DLGAP1: variants seen among roughly 807,000 people sequenced by gnomAD.
DLGAP1 encodes the protein disks large-associated protein 1.
Under a neutral mutation model 90.8 loss-of-function variants are expected in DLGAP1, and 11 were observed. That is an observed-to-expected ratio of 0.12 (90% CI 0.08 to 0.20). The LOEUF (loss-of-function observed/expected upper bound fraction) is 0.20. Ranked by LOEUF, DLGAP1 falls within the 10% of genes least tolerant of loss-of-function variation. The pLI, the probability that DLGAP1 is intolerant of heterozygous loss-of-function variation, is 1.00. For synonymous variants in DLGAP1, 558 were observed against 540.7 expected (o/e 1.03, Z -0.44); for missense variants, 1,050 against 1,333.8 (o/e 0.79, Z 3.31).
chr18:3,646,168 G>A (rs1324422094), intron 7 of DLGAP1, among the ~76,000 whole-genome samples: 1 of 152,110 alleles, frequency 6.6e-6, no homozygotes, highest in Non-Finnish European at 1.5e-5. Context: ...GGCTAAGGCT[G>A]GAAGATAGCT....
At chr18:4,100,484 G>A (rs1469789019) in intron 2 of DLGAP1, among the ~76,000 whole-genome samples, 1 of 152,188 alleles carries the variant, frequency 6.6e-6, no homozygotes, top group Non-Finnish European at 1.5e-5. Flanking sequence ...AGCAGATTTA[G>A]CCTACCTCTT....
chr18:3,555,299 T>C (rs1318121976), intron 9 of DLGAP1, among the ~76,000 whole-genome samples: 1 of 152,348 alleles, frequency 6.6e-6, no homozygotes, highest in East Asian at 1.9e-4. Context: ...AAGAAGGGTA[T>C]GTTTTGGAAA....
At chr18:4,210,778 C>T (rs1418289053) in intron 1 of DLGAP1, among the ~76,000 whole-genome samples, 1 of 152,128 alleles carries the variant, frequency 6.6e-6, no homozygotes, top group African/African-American at 2.4e-5. Flanking sequence ...TGTATTATGT[C>T]TGGATGGAGA....
intron 1 of DLGAP1, among the ~76,000 whole-genome samples, chr18:4,327,112 T>A (rs1568515840): frequency 1.3e-5 from 2 of 151,920 alleles, no homozygotes; most frequent in Middle Eastern, 6.8e-3. Flanking sequence ...AAATTTTCGA[T>A]TAGACATAGA....
intron 1 of DLGAP1, among the ~76,000 whole-genome samples, chr18:4,219,679 A>T (rs766803828): frequency 8.6e-5 from 13 of 152,018 alleles, no homozygotes; most frequent in Non-Finnish European, 1.5e-4. Context: ...TAAGCATCTA[A>T]TTATAATCTT....
In DLGAP1 at chr18:4,283,126, G is replaced by A. The variant is rs113871944; in HGVS notation, c.-266-131839C>T. ...TCAAAAGAAGCTAATAAAACATAAG[G>A]CTGAAGAACTGAAGTAATGAATGCA... is the stretch of plus-strand genomic sequence containing the variant. On this transcript the variant is annotated intron_variant, in intron 1 of 12. Coordinates refer to ENST00000315677, the MANE Select transcript of DLGAP1 (RefSeq NM_004746.4). Among the ~76,000 whole-genome samples, 11 of 152,268 alleles carry A rather than the reference G, an allele frequency of 7.2e-5. 1 individual carries two copies. Among genetic ancestry groups the A allele is most frequent in the Admixed American group, 2.0e-4 (3 of 15,312 alleles).
intron 2 of DLGAP1, among the ~76,000 whole-genome samples, chr18:4,102,439 A>G (rs73943818): frequency 0.021 from 3,228 of 152,308 alleles, 95 homozygotes; most frequent in African/African-American, 0.06. Flanking sequence ...AATTGTTTGA[A>G]ATGCTGAGAC....
intron 2 of DLGAP1, among the ~76,000 whole-genome samples, chr18:4,055,198 T>C (rs903528727): frequency 1.1e-4 from 16 of 152,302 alleles, no homozygotes; most frequent in African/African-American, 3.6e-4. Flanking sequence ...AAGGGTTTCA[T>C]CTGGACATGC....
intron 1 of DLGAP1, chr18:4,430,625 C>T (rs1163775230): frequency 2.0e-5 from 3 of 150,640 alleles, no homozygotes; most frequent in African/African-American, 7.3e-5. Context: ...AACCTGTATA[C>T]ATTTATGTGA....
chr18:3,505,291 C>G (rs1053777589), intron 11 of DLGAP1, among the ~76,000 whole-genome samples: 1 of 152,126 alleles, frequency 6.6e-6, no homozygotes, highest in African/African-American at 2.4e-5. Context: ...GGGCTGTGAA[C>G]AAGTTTCTTA....
chr18:4,211,405 T>C (rs1221572777), intron 1 of DLGAP1, among the ~76,000 whole-genome samples: 1 of 152,180 alleles, frequency 6.6e-6, no homozygotes, highest in Non-Finnish European at 1.5e-5. Flanking sequence ...TTAGTAAATG[T>C]TAGAAAGGGT....
At chr18:3,758,610 A>G (rs1214912536) in intron 5 of DLGAP1, among the ~76,000 whole-genome samples, 1 of 152,218 alleles carries the variant, frequency 6.6e-6, no homozygotes, top group Non-Finnish European at 1.5e-5. Context: ...TATAAGCTTA[A>G]CATGGATTAT....
Position 4,013,908 on chromosome 18 carries a change from GATAA to G in DLGAP1, c.-158-8711_-158-8708del, listed in dbSNP as rs1261363870. The G allele has an allele frequency of 5.6e-4, 85 of 152,200 alleles. 1 individual carries two copies. The highest frequency in any genetic ancestry group is 2.0e-3 in the African/African-American group (83 of 41,520). 9.4% of individuals were successfully genotyped at this position (152,200 alleles called of 1,614,324 possible). On this transcript the variant is annotated intron_variant, in intron 2 of 12. Coordinates refer to ENST00000315677, the MANE Select transcript of DLGAP1 (RefSeq NM_004746.4). ...TATTTCTATAGTCCTAAGCTGGCAA[GATAA>G]ATAGAGAACAGTTCATAATATAAAC...
intron 10 of DLGAP1, 61 bp downstream of exon 10, chr18:3,534,132 CT>C: frequency 6.5e-7 from 1 of 1,544,884 alleles, no homozygotes; most frequent in South Asian, 1.2e-5. Flanking sequence ...ACAACAAGGT[CT>C]GCACACACAA....
chr18:3,693,192 C>A (rs1453270432), intron 7 of DLGAP1, among the ~76,000 whole-genome samples: 2 of 152,166 alleles, frequency 1.3e-5, no homozygotes, highest in Non-Finnish European at 2.9e-5. Context: ...CAGCGATCCT[C>A]CTGCCTCAGC....
intron 4 of DLGAP1, among the ~76,000 whole-genome samples, chr18:3,849,487 T>C (rs533767526): frequency 5.4e-4 from 82 of 152,118 alleles, no homozygotes; most frequent in African/African-American, 1.9e-3. Context: ...ACTAGATGCA[T>C]AGGGGAGTGC....
intron 1 of DLGAP1, among the ~76,000 whole-genome samples, chr18:4,263,221 C>T (rs956105602): frequency 2.0e-5 from 3 of 152,228 alleles, no homozygotes; most frequent in African/African-American, 4.8e-5. Context: ...TGTGAGGCAC[C>T]GTACCGGGCC....
At chr18:4,161,014 ATT>A (rs540352716) in intron 1 of DLGAP1, among the ~76,000 whole-genome samples, 199 of 148,638 alleles carry the variant, frequency 1.3e-3, no homozygotes, top group African/African-American at 4.0e-3. Context: ...TCTGTGTCAG[ATT>A]TTGTTTTCCT....
chr18:3,775,408 G>A lies in DLGAP1; in HGVS notation c.1173-32896C>T, dbSNP rs1052379239. The stretch of plus-strand genomic sequence containing the variant: ...TCTTGATAGAGTTCTCAAGAGATCT[G>A]GTTGTTTGAATGCGTATAGCACTTC... On this transcript the variant is annotated intron_variant, in intron 5 of 12. Transcript: ENST00000315677. The surrounding 1 kb of genome is among the most constrained non-coding windows in gnomAD (Gnocchi z 4.9). Among the ~76,000 whole-genome samples the A allele has an allele frequency of 6.6e-6, 1 of 152,120 alleles. No individual in the cohort carries two copies. The highest frequency in any genetic ancestry group is 1.5e-5 in the Non-Finnish European group (1 of 68,026).
Sources: gnomAD v4.1 joint callset for allele counts (sites outside exome capture counted in the v4.1 genomes callset) on GRCh38, gnomAD v4.1.1 for gene constraint, Gnocchi (gnomAD v3.1) non-coding constraint, MANE v1.5 for transcripts, NCBI Gene and HGNC (gene_info 2026-07-23, HGNC 2026-07-21) for gene names.